Variants in SUGCT observed in about 807,000 individuals in gnomAD.
The protein encoded by SUGCT is succinyl-CoA:glutarate CoA-transferase.
In SUGCT, 41 loss-of-function variants were observed where a neutral mutation model predicts 55.0. That is an observed-to-expected ratio of 0.74 (90% CI 0.58 to 0.97). The LOEUF is 0.97. SUGCT is among the 50% of genes least tolerant of loss of function. The pLI, the probability that SUGCT is intolerant of heterozygous loss-of-function variation, is 0.00. For missense variants in SUGCT, 568 were observed against 547.8 expected (o/e 1.04, Z -0.37); for synonymous variants, 187 against 200.4 (o/e 0.93, Z 0.56).
intron 12 of SUGCT, among the ~76,000 whole-genome samples, chr7:40,655,628 T>C (rs977984818): frequency 1.3e-5 from 2 of 152,232 alleles, no homozygotes; most frequent in African/African-American, 4.8e-5. Context: ...GTGATTGTCC[T>C]GCTTACAGAG....
At chr7:40,481,637 A>T (rs1367067179) in intron 11 of SUGCT, among the ~76,000 whole-genome samples, 1 of 152,118 alleles carries the variant, frequency 6.6e-6, no homozygotes, top group Non-Finnish European at 1.5e-5. Flanking sequence ...CATCAAAAAG[A>T]TATAACCAGG....
intron 9 of SUGCT, among the ~76,000 whole-genome samples, chr7:40,385,152 G>A (rs1785055383): frequency 6.6e-6 from 1 of 152,116 alleles, no homozygotes; most frequent in Non-Finnish European, 1.5e-5. Flanking sequence ...AATCCATCAT[G>A]GCCACTGGGA....
chr7:40,900,794 G>A, the SUGCT span, among the ~76,000 whole-genome samples: 2,366 of 152,292 alleles, frequency 0.016, 54 homozygotes, highest in African/African-American at 0.05. Flanking sequence ...GCAGTGAAAG[G>A]GAAAACCTTG....
the SUGCT span, among the ~76,000 whole-genome samples, chr7:41,025,396 G>T: frequency 2.7e-5 from 4 of 150,614 alleles, no homozygotes; most frequent in Non-Finnish European, 5.9e-5. Flanking sequence ...TTGAGACGTA[G>T]TTTCGCTCTG....
chr7:40,775,299 T>TA (rs1789395329), intron 13 of SUGCT, among the ~76,000 whole-genome samples: 1 of 152,240 alleles, frequency 6.6e-6, no homozygotes, highest in African/African-American at 2.4e-5. Flanking sequence ...TACCCTGACT[T>TA]ACAAGTAAAT....
chr7:40,142,627 G>A (rs1788046941), intron 1 of SUGCT, among the ~76,000 whole-genome samples: 2 of 152,174 alleles, frequency 1.3e-5, no homozygotes, highest in African/African-American at 4.8e-5. Flanking sequence ...CACTTTTCTA[G>A]CCATCCTGTA....
intron 9 of SUGCT, among the ~76,000 whole-genome samples, chr7:40,415,305 T>TA (rs1027761650): frequency 7.3e-5 from 11 of 150,208 alleles, no homozygotes; most frequent in African/African-American, 2.4e-4. Context: ...ACATAATGTG[T>TA]AAAAAAAATG....
At chr7:40,513,893 C>T (rs1167226014) in intron 12 of SUGCT, among the ~76,000 whole-genome samples, 2 of 149,604 alleles carry the variant, frequency 1.3e-5, no homozygotes, top group African/African-American at 4.9e-5. Context: ...GGGTTTAGGC[C>T]ATTCTCCTGC....
intron 9 of SUGCT, among the ~76,000 whole-genome samples, chr7:40,408,994 G>C (rs572484194): frequency 4.6e-5 from 7 of 151,982 alleles, no homozygotes; most frequent in Admixed American, 3.3e-4. Flanking sequence ...TTGCTGTGTC[G>C]CCTGGGCTGG....
intron 9 of SUGCT, among the ~76,000 whole-genome samples, chr7:40,347,981 A>G (rs1038939990): frequency 6.6e-6 from 1 of 152,218 alleles, no homozygotes; most frequent in Non-Finnish European, 1.5e-5. Context: ...TTTTATAAGC[A>G]TATCACTTGG....
At chr7:40,752,163 G>T (rs1788046805) in intron 13 of SUGCT, among the ~76,000 whole-genome samples, 1 of 152,088 alleles carries the variant, frequency 6.6e-6, no homozygotes, top group Non-Finnish European at 1.5e-5. Flanking sequence ...TTTGCTTCTA[G>T]TTCCAGGTCT....
intron 12 of SUGCT, among the ~76,000 whole-genome samples, chr7:40,626,917 C>G (rs1489103478): frequency 6.6e-6 from 1 of 152,098 alleles, no homozygotes. Context: ...GCATATTTAC[C>G]GAGTATTTGT....
chr7:40,985,609 G>A, the SUGCT span, among the ~76,000 whole-genome samples: 3 of 152,122 alleles, frequency 2.0e-5, no homozygotes, highest in Non-Finnish European at 4.4e-5. Flanking sequence ...CAAGTTTTGG[G>A]ACATATGAAG....
intron 12 of SUGCT, among the ~76,000 whole-genome samples, chr7:40,556,881 A>G (rs1795586580): frequency 6.6e-6 from 1 of 152,254 alleles, no homozygotes; most frequent in South Asian, 2.1e-4. Flanking sequence ...GTAAATGGAA[A>G]GACATCTTGT....
chr7:40,644,441 C>G (rs1037159184), intron 12 of SUGCT, among the ~76,000 whole-genome samples: 4 of 152,220 alleles, frequency 2.6e-5, no homozygotes, highest in African/African-American at 9.6e-5. Flanking sequence ...CTCACATTGC[C>G]TCTGCATTTC....
intron 12 of SUGCT, among the ~76,000 whole-genome samples, chr7:40,665,284 C>G (rs540470925): frequency 6.6e-6 from 1 of 150,756 alleles, no homozygotes; most frequent in East Asian, 2.0e-4. Flanking sequence ...ACTAAAAATA[C>G]AAAAAGAATT....
intron 8 of SUGCT, among the ~76,000 whole-genome samples, chr7:40,309,371 C>G (rs907176446): frequency 6.6e-6 from 1 of 151,942 alleles, no homozygotes; most frequent in Admixed American, 6.6e-5. Context: ...GGCTCTATCT[C>G]GGCTCACTGC....
At chr7:40,890,919 C>T in the SUGCT span, among the ~76,000 whole-genome samples, 3 of 152,120 alleles carry the variant, frequency 2.0e-5, no homozygotes, top group South Asian at 4.2e-4. Context: ...CCAAACAAAA[C>T]TAAGAAAACA....
intron 12 of SUGCT, among the ~76,000 whole-genome samples, chr7:40,615,310 A>G (rs1050835024): frequency 2.0e-5 from 3 of 152,164 alleles, no homozygotes; most frequent in Non-Finnish European, 4.4e-5. Context: ...AATTTTTTTA[A>G]CACAGATTTT....
Sources: gnomAD v4.1 joint callset for allele counts (sites outside exome capture counted in the v4.1 genomes callset) on GRCh38, gnomAD v4.1.1 for gene constraint, MANE v1.5 for transcripts, NCBI Gene and HGNC (gene_info 2026-07-23, HGNC 2026-07-21) for gene names.